The following SPOCK3 variants were observed in gnomAD, a reference collection of about 807,000 sequenced individuals.
The protein encoded by SPOCK3 is testican-3.
In SPOCK3, 30 loss-of-function variants were observed where a neutral mutation model predicts 56.6. The observed-to-expected ratio is 0.53, with a 90% confidence interval of 0.40 to 0.72. The LOEUF (loss-of-function observed/expected upper bound fraction) is 0.72, where lower values mean the gene tolerates loss of function less well. SPOCK3 is among the 30% of genes least tolerant of loss of function. SPOCK3 has a pLI of 0.00. For synonymous variants in SPOCK3, 196 were observed against 183.3 expected (o/e 1.07, Z -0.56); for missense variants, 527 against 530.0 (o/e 0.99, Z 0.06).
chr4:167,107,009 A>AT (rs1580311375), intron 2 of SPOCK3, among the ~76,000 whole-genome samples: 2 of 151,932 alleles, frequency 1.3e-5, no homozygotes, highest in East Asian at 3.8e-4. Flanking sequence ...CAAAGTCATA[A>AT]TAAAAAGTCC....
intron 6 of SPOCK3, among the ~76,000 whole-genome samples, chr4:166,874,806 A>G (rs1481875345): frequency 2.0e-5 from 3 of 152,206 alleles, no homozygotes; most frequent in Non-Finnish European, 4.4e-5. Context: ...TGCAAATTTA[A>G]TATCTTATTG....
intron 6 of SPOCK3, among the ~76,000 whole-genome samples, chr4:166,835,555 A>G (rs1418287737): frequency 6.6e-6 from 1 of 152,086 alleles, no homozygotes; most frequent in Admixed American, 6.6e-5. Context: ...CTTCTGTCAA[A>G]CTATTTCTTA....
intron 3 of SPOCK3, among the ~76,000 whole-genome samples, chr4:167,021,383 T>C (rs1561128753): frequency 6.6e-6 from 1 of 151,976 alleles, no homozygotes; most frequent in Non-Finnish European, 1.5e-5. Context: ...TAAGGTAAAA[T>C]AGATCTATTA....
chr4:166,913,638 T>G (rs1737521348), intron 4 of SPOCK3, among the ~76,000 whole-genome samples: 1 of 152,156 alleles, frequency 6.6e-6, no homozygotes. Context: ...TTTTCATGAA[T>G]ATGTCAAACC....
At chr4:167,036,286 G>GT (rs1387250969) in intron 3 of SPOCK3, among the ~76,000 whole-genome samples, 9 of 151,932 alleles carry the variant, frequency 5.9e-5, no homozygotes, top group African/African-American at 1.9e-4. Context: ...CCTTATCTGC[G>GT]TTTTTTCTCT....
rs1046305680 is a variant in SPOCK3, at chr4:167,222,870, GATAT to G, written c.189+11111_189+11114del. ...GTGAATATATAAATATATAAACATA[GATAT>G]ATATTGATATATGAATATATAAATA... On this transcript the variant is annotated intron_variant, in intron 2 of 10. Coordinates refer to ENST00000357545, the MANE Select transcript of SPOCK3 (RefSeq NM_001040159.2). 4.0e-4 allele frequency among the ~76,000 whole-genome samples: 50 copies of G among 124,118 alleles called. 1 individual carries two copies. Among genetic ancestry groups the G allele is most frequent in the African/African-American group, 1.6e-3 (49 of 31,182 alleles). 81.4% of individuals were successfully genotyped at this position (124,118 alleles called of 152,430 possible).
intron 3 of SPOCK3, among the ~76,000 whole-genome samples, chr4:167,044,719 T>C (rs898986165): frequency 3.9e-5 from 6 of 152,104 alleles, no homozygotes; most frequent in African/African-American, 1.4e-4. Flanking sequence ...TACTTTGGAA[T>C]TTTCTGGTTA....
intron 2 of SPOCK3, among the ~76,000 whole-genome samples, chr4:167,178,871 C>G (rs1020290449): frequency 1.3e-5 from 2 of 151,828 alleles, no homozygotes; most frequent in Non-Finnish European, 2.9e-5. Flanking sequence ...TTTTTATATC[C>G]TGTTAGGTGC....
rs960526810 is a variant in SPOCK3, at chr4:167,138,806, G to T, written c.190-76269C>A. On this transcript the variant is annotated intron_variant, in intron 2 of 10. Coordinates refer to ENST00000357545, the MANE Select transcript of SPOCK3 (RefSeq NM_001040159.2). ...GAACAAATGCAAAAGTGGATAAAAGGAAATATACTAGAGGGAAGCTCTTAT... is the reference window on the plus strand; with the variant it reads ...GAACAAATGCAAAAGTGGATAAAAGTAAATATACTAGAGGGAAGCTCTTAT... Among the ~76,000 whole-genome samples the T allele has an allele frequency of 1.7e-4, 26 of 151,858 alleles. 1 individual carries two copies. Among genetic ancestry groups the T allele is most frequent in the South Asian group, 1.0e-3 (5 of 4,818 alleles).
chr4:167,038,663 C>CAAAAAAAAAAAAAAAAAAAAAATAAAAAA (rs1752982345), intron 3 of SPOCK3, among the ~76,000 whole-genome samples: 1 of 107,990 alleles, frequency 9.3e-6, no homozygotes. Flanking sequence ...TTATTTTTTC[C>CAAAAAAAAAAAAAAAAAAAAAATAAAAAA]AAAAAAAAAA....
chr4:166,997,747 A>G (rs1313357935), intron 4 of SPOCK3, among the ~76,000 whole-genome samples: 2 of 152,184 alleles, frequency 1.3e-5, no homozygotes, highest in Non-Finnish European at 2.9e-5. Flanking sequence ...TGGAGAAATG[A>G]GTGTGATATA....
chr4:167,111,472 G>T (rs1760894887), intron 2 of SPOCK3, among the ~76,000 whole-genome samples: 1 of 151,806 alleles, frequency 6.6e-6, no homozygotes, highest in South Asian at 2.1e-4. Flanking sequence ...ACTATTAAAA[G>T]ACATTATTCT....
intron 3 of SPOCK3, among the ~76,000 whole-genome samples, chr4:167,016,377 A>C (rs1000064278): frequency 1.3e-5 from 2 of 152,040 alleles, no homozygotes; most frequent in African/African-American, 2.4e-5. Flanking sequence ...AAATGCTGCT[A>C]TATATTTTTG....
At chr4:167,156,768 A>T in intron 2 of SPOCK3, among the ~76,000 whole-genome samples, 1 of 152,164 alleles carries the variant, frequency 6.6e-6, no homozygotes, top group Non-Finnish European at 1.5e-5. Context: ...CATTGACAGC[A>T]TCCAGAGCTT....
At chr4:166,962,097 T>C (rs1205628045) in intron 4 of SPOCK3, among the ~76,000 whole-genome samples, 2 of 152,154 alleles carry the variant, frequency 1.3e-5, no homozygotes, top group African/African-American at 4.8e-5. Flanking sequence ...TGAAGCTGAC[T>C]ATTCTTCCTC....
Position 167,171,640 on chromosome 4 carries a change from C to T in SPOCK3, c.189+62345G>A, listed in dbSNP as rs182048166. Among the ~76,000 whole-genome samples, 47 of 151,994 alleles carry T rather than the reference C, an allele frequency of 3.1e-4. 2 individuals are homozygous for T. In the East Asian group the frequency reaches 6.8e-3, roughly 22 times the overall value. On this transcript the variant is annotated intron_variant, in intron 2 of 10. Transcript: ENST00000357545. ...TATAGACTTAATTAGAAGAAAATTA[C>T]GAGGCAGGTGAGACAATCCAAAACA...
At chr4:167,094,930 T>G (rs1759021888) in intron 2 of SPOCK3, among the ~76,000 whole-genome samples, 1 of 152,062 alleles carries the variant, frequency 6.6e-6, no homozygotes, top group Non-Finnish European at 1.5e-5. Context: ...GACCCGATGG[T>G]ATTGATGCAG....
intron 3 of SPOCK3, among the ~76,000 whole-genome samples, chr4:167,042,102 CAT>C (rs1169307738): frequency 1.3e-5 from 2 of 152,084 alleles, no homozygotes; most frequent in African/African-American, 4.8e-5. Flanking sequence ...GCTATCCAAA[CAT>C]AACAGATAAC....
intron 6 of SPOCK3, among the ~76,000 whole-genome samples, chr4:166,872,426 C>T (rs182871052): frequency 2.2e-4 from 34 of 152,068 alleles, no homozygotes; most frequent in Admixed American, 5.2e-4. Flanking sequence ...AAACTCAAGA[C>T]GGAAAAACAA....
Sources: gnomAD v4.1 joint callset for allele counts (sites outside exome capture counted in the v4.1 genomes callset) on GRCh38, gnomAD v4.1.1 for gene constraint, MANE v1.5 for transcripts, NCBI Gene and HGNC (gene_info 2026-07-23, HGNC 2026-07-21) for gene names.